The following TMED3 variants were observed in gnomAD, a reference collection of about 807,000 sequenced individuals.
TMED3 encodes transmembrane p24 trafficking protein 3.
TMED3 carries 9 observed loss-of-function variants against 15.0 expected under a neutral mutation model. The observed-to-expected ratio is 0.60, with a 90% CI of 0.36 to 1.04. TMED3 has a LOEUF of 1.04. Among genes scored for constraint, TMED3 ranks in the 50% least tolerant of loss-of-function variants. The pLI is 0.01. For synonymous variants in TMED3, 117 were observed against 121.4 expected (o/e 0.96, Z 0.24); for missense variants, 267 against 278.9 (o/e 0.96, Z 0.30).
chr15:79,313,817 A>AT lies in TMED3; in HGVS notation c.230dup (p.Tyr78LeufsTer16), dbSNP rs1567021018. On this transcript the variant is annotated frameshift_variant, in exon 2 of 3. Transcript: ENST00000299705. LOFTEE classifies it high-confidence loss of function. ...TGTAGAGGACCCCCAGGGGAACACC[A>AT]TCTACAGAGAAACGAAGAAGCAGTA... The AT allele has an allele frequency of 1.2e-6, 2 of 1,614,236 alleles. No homozygotes were observed. The highest frequency in any genetic ancestry group is 2.2e-5 in the South Asian group (2 of 91,080).
At chr15:79,327,045 T>C (rs528045128), downstream of TMED3, among the ~76,000 whole-genome samples, 5 of 152,108 alleles carry the variant, frequency 3.3e-5, no homozygotes, top group South Asian at 1.0e-3. Context: ...AGCAACCAGC[T>C]CTTGTGGGAA....
chr15:79,320,171 C>T (rs2141216766), intron 2 of TMED3, among the ~76,000 whole-genome samples: 1 of 152,330 alleles, frequency 6.6e-6, no homozygotes, highest in East Asian at 1.9e-4. Context: ...ACTGGCATTA[C>T]CGCTAGACCA....
chr15:79,364,318 T>C (rs1300650537), intron 2 of TMED3, among the ~76,000 whole-genome samples: 1 of 152,162 alleles, frequency 6.6e-6, no homozygotes, highest in African/African-American at 2.4e-5. Flanking sequence ...CAAGTTCCCT[T>C]ATATGCATAA....
exon 3 of TMED3, chr15:79,413,737 G>T (rs1471724756): frequency 6.6e-6 from 1 of 152,210 alleles, no homozygotes; most frequent in Non-Finnish European, 1.5e-5. Context: ...GTGAGTCCTG[G>T]TTGGACAGTG....
intron 2 of TMED3, among the ~76,000 whole-genome samples, chr15:79,342,361 C>T (rs773791917): frequency 2.0e-5 from 3 of 151,992 alleles, no homozygotes; most frequent in Non-Finnish European, 4.4e-5. Flanking sequence ...CAAAGATATA[C>T]TATGTGAACA....
intron 2 of TMED3, among the ~76,000 whole-genome samples, chr15:79,352,056 G>A (rs927991708): frequency 6.6e-6 from 1 of 151,356 alleles, no homozygotes; most frequent in Non-Finnish European, 1.5e-5. Context: ...ATGGGCTTTG[G>A]GGACTCGGGG....
intron 2 of TMED3, among the ~76,000 whole-genome samples, chr15:79,407,069 G>A (rs2174824): frequency 0.47 from 71,880 of 152,120 alleles, 17,366 homozygotes; most frequent in East Asian, 0.68. Flanking sequence ...TGTCACACAC[G>A]TGGTGGGCTC....
At chr15:79,347,799 T>G (rs2058876367) in intron 2 of TMED3, among the ~76,000 whole-genome samples, 1 of 151,900 alleles carries the variant, frequency 6.6e-6, no homozygotes, top group Non-Finnish European at 1.5e-5. Flanking sequence ...ACAAAAAGAA[T>G]AAATACCTAG....
chr15:79,370,152 G>A (rs1012213681), intron 2 of TMED3, among the ~76,000 whole-genome samples: 4 of 151,784 alleles, frequency 2.6e-5, no homozygotes, highest in African/African-American at 4.8e-5. Context: ...GTGTAGTGGC[G>A]TGATCTCGGC....
At chr15:79,397,830 T>C (rs1217637942) in intron 2 of TMED3, among the ~76,000 whole-genome samples, 1 of 152,324 alleles carries the variant, frequency 6.6e-6, no homozygotes, top group East Asian at 1.9e-4. Flanking sequence ...ATAGAGCCAA[T>C]TTTTTAGAGC....
chr15:79,345,346 G>A (rs2058866526), intron 2 of TMED3, among the ~76,000 whole-genome samples: 1 of 151,924 alleles, frequency 6.6e-6, no homozygotes, highest in Non-Finnish European at 1.5e-5. Flanking sequence ...TCCCCTTTAT[G>A]TGTCCATGTG....
intron 2 of TMED3, among the ~76,000 whole-genome samples, chr15:79,342,660 A>G (rs1187532093): frequency 6.6e-6 from 1 of 152,194 alleles, no homozygotes; most frequent in Non-Finnish European, 1.5e-5. Flanking sequence ...AAACAAAACC[A>G]AAAGACAAAA....
intron 2 of TMED3, among the ~76,000 whole-genome samples, chr15:79,339,834 GTGA>G (rs1347585309): frequency 7.9e-5 from 12 of 151,288 alleles, no homozygotes; most frequent in South Asian, 2.1e-4. Flanking sequence ...GGTGATGGTG[GTGA>G]TGATGGTGGT....
At chr15:79,364,212 T>C (rs1893185357) in intron 2 of TMED3, among the ~76,000 whole-genome samples, 1 of 152,176 alleles carries the variant, frequency 6.6e-6, no homozygotes, top group South Asian at 2.1e-4. Context: ...TCCCTATTTG[T>C]ATAAGGCACG....
intron 2 of TMED3, among the ~76,000 whole-genome samples, chr15:79,394,988 T>TA: frequency 6.6e-6 from 1 of 152,360 alleles, no homozygotes; most frequent in East Asian, 1.9e-4. Flanking sequence ...AGCACTGTGT[T>TA]ATAGGCTATC....
intron 2 of TMED3, among the ~76,000 whole-genome samples, chr15:79,374,245 GA>G (rs1359246934): frequency 6.6e-6 from 1 of 152,158 alleles, no homozygotes; most frequent in Non-Finnish European, 1.5e-5. Context: ...AGTCAGGTTG[GA>G]ATTTGGTATC....
chr15:79,372,483 A>G (rs1893357951), intron 2 of TMED3, among the ~76,000 whole-genome samples: 1 of 152,246 alleles, frequency 6.6e-6, no homozygotes, highest in African/African-American at 2.4e-5. Flanking sequence ...CAAAGAAAAG[A>G]GGTTTAATTG....
At chr15:79,396,883 G>T (rs1223227319) in intron 2 of TMED3, among the ~76,000 whole-genome samples, 1 of 152,108 alleles carries the variant, frequency 6.6e-6, no homozygotes, top group East Asian at 1.9e-4. Context: ...GATATGTTCG[G>T]TTAAATAAAA....
chr15:79,360,984 A>T lies in TMED3; in HGVS notation c.417+46979A>T, dbSNP rs1893117564. Among the ~76,000 whole-genome samples the T allele has an allele frequency of 2.7e-5, 3 of 111,436 alleles. No individual in the cohort carries two copies. The South Asian group carries it at 9.5e-4, about 35-fold the overall frequency. The allele number at this position is 111,436 out of a possible 152,430, so 73.1% of individuals were successfully genotyped here. On this transcript the variant is annotated intron_variant, in intron 2 of 2. Coordinates refer to the TMED3 transcript ENST00000424155. ...CTGCCTCAGCCTCCCAAGCAGTTAC[A>T]ACTACAAGTGCACACTGCTCAGCCT...
Sources: allele counts gnomAD v4.1 joint callset (sites outside exome capture counted in the v4.1 genomes callset), GRCh38; gene constraint gnomAD v4.1.1; transcripts MANE v1.5; gene names NCBI Gene and HGNC (gene_info 2026-07-23, HGNC 2026-07-21).